The following CSTPP1 variants were observed in gnomAD, a reference collection of about 807,000 sequenced individuals.
CSTPP1 encodes the protein UPF0705 protein C11orf49.
chr11:47,107,655 T>A, the CSTPP1 span, among the ~76,000 whole-genome samples: 1 of 152,198 alleles, frequency 6.6e-6, no homozygotes, highest in African/African-American at 2.4e-5. Context: ...GACATCCACC[T>A]GAAACCTACT....
chr11:47,028,208 C>T, the CSTPP1 span, among the ~76,000 whole-genome samples: 1 of 152,184 alleles, frequency 6.6e-6, no homozygotes, highest in South Asian at 2.1e-4. Context: ...CAGGCGTGAG[C>T]CATCACGCCC....
At chr11:47,080,674 G>T in the CSTPP1 span, among the ~76,000 whole-genome samples, 1 of 151,914 alleles carries the variant, frequency 6.6e-6, no homozygotes, top group African/African-American at 2.4e-5. Flanking sequence ...GCTTCAGCAA[G>T]GTAGATGGAC....
chr11:47,146,273 G>A, the CSTPP1 span, among the ~76,000 whole-genome samples: 90 of 151,460 alleles, frequency 5.9e-4, no homozygotes, highest in African/African-American at 2.0e-3. Flanking sequence ...GTTGAGGCAG[G>A]AGAATCACTT....
the CSTPP1 span, among the ~76,000 whole-genome samples, chr11:47,078,577 A>G: frequency 6.6e-6 from 1 of 152,166 alleles, no homozygotes; most frequent in African/African-American, 2.4e-5. Flanking sequence ...AAACTGAGAT[A>G]ACATGGACTC....
chr11:47,110,889 T>C, the CSTPP1 span, among the ~76,000 whole-genome samples: 1 of 137,652 alleles, frequency 7.3e-6, no homozygotes, highest in Middle Eastern at 3.6e-3. Flanking sequence ...AGAGAACACA[T>C]CTTTTTTTTT....
At chr11:46,938,031 C>T in the CSTPP1 span, among the ~76,000 whole-genome samples, 9 of 151,912 alleles carry the variant, frequency 5.9e-5, no homozygotes, top group African/African-American at 1.9e-4. Context: ...TGCGCCACCA[C>T]GCCAGGTTAA....
At chr11:47,161,870 C>T in the CSTPP1 span, 1 of 1,324,160 alleles carries the variant, frequency 7.6e-7, no homozygotes, top group Non-Finnish European at 9.6e-7. Flanking sequence ...TCACTTAGGC[C>T]CCAAGCTGAC....
the CSTPP1 span, among the ~76,000 whole-genome samples, chr11:47,154,789 C>T: frequency 2.2e-3 from 328 of 152,264 alleles, no homozygotes; most frequent in African/African-American, 7.6e-3. Context: ...ATGGTCCTCA[C>T]GGCAGAATGA....
the CSTPP1 span, among the ~76,000 whole-genome samples, chr11:47,036,408 A>T: frequency 1.8e-5 from 2 of 113,538 alleles, 1 homozygote; most frequent in Non-Finnish European, 4.1e-5. Context: ...AAGGAACATA[A>T]TATTTGGACT....
the CSTPP1 span, among the ~76,000 whole-genome samples, chr11:46,937,630 C>T: frequency 6.6e-6 from 1 of 152,126 alleles, no homozygotes; most frequent in Non-Finnish European, 1.5e-5. Context: ...AGTGCAGTGG[C>T]GCGATCTTGG....
the CSTPP1 span, among the ~76,000 whole-genome samples, chr11:47,065,977 T>TTGTGTGTG: frequency 6.4e-3 from 942 of 146,084 alleles, 12 homozygotes; most frequent in East Asian, 0.037. Flanking sequence ...GGTCTAACAG[T>TTGTGTGTG]TGTGTGTGTG....
the CSTPP1 span, among the ~76,000 whole-genome samples, chr11:47,000,768 TAATC>T: frequency 1.3e-5 from 2 of 152,152 alleles, no homozygotes; most frequent in Non-Finnish European, 2.9e-5. Context: ...ATGAGGGTAA[TAATC>T]AATAAACAAG....
At chr11:46,996,372 C>T in the CSTPP1 span, among the ~76,000 whole-genome samples, 2 of 151,264 alleles carry the variant, frequency 1.3e-5, no homozygotes, top group African/African-American at 2.4e-5. Flanking sequence ...GGTGCAATCT[C>T]GACTCACTGC....
the CSTPP1 span, among the ~76,000 whole-genome samples, chr11:47,146,970 A>G: frequency 6.6e-6 from 1 of 152,220 alleles, no homozygotes; most frequent in African/African-American, 2.4e-5. Context: ...CATTTGCATG[A>G]GTTAATTATA....
chr11:47,094,606 A>G, the CSTPP1 span, among the ~76,000 whole-genome samples: 2 of 152,206 alleles, frequency 1.3e-5, no homozygotes, highest in African/African-American at 2.4e-5. Context: ...TTAAATATGT[A>G]TAGTTTTTTG....
chr11:47,046,660 C>CTTTTTTTTTTTTTTTTTTTTTTTT, the CSTPP1 span, among the ~76,000 whole-genome samples: 4 of 79,734 alleles, frequency 5.0e-5, no homozygotes, highest in African/African-American at 1.0e-4. Context: ...ATCTTCTTTT[C>CTTTTTTTTTTTTTTTTTTTTTTTT]TTTTTTTTTT....
the CSTPP1 span, among the ~76,000 whole-genome samples, chr11:47,093,872 T>C: frequency 1.3e-5 from 2 of 152,216 alleles, no homozygotes; most frequent in African/African-American, 2.4e-5. Context: ...ATTGACTAAC[T>C]AAAACATGTC....
the CSTPP1 span, among the ~76,000 whole-genome samples, chr11:47,046,460 TA>T: frequency 6.6e-6 from 1 of 151,936 alleles, no homozygotes; most frequent in Non-Finnish European, 1.5e-5. Flanking sequence ...CTATTAGGAA[TA>T]AGTCTAACTG....
chr11:47,071,415 G>A, the CSTPP1 span, among the ~76,000 whole-genome samples: 1 of 152,144 alleles, frequency 6.6e-6, no homozygotes, highest in African/African-American at 2.4e-5. Context: ...TACTACTTCA[G>A]TGTTGTGAAA....
Sources: gnomAD v4.1 joint callset for allele counts (sites outside exome capture counted in the v4.1 genomes callset) on GRCh38, gnomAD v4.1.1 for gene constraint, MANE v1.5 for transcripts, NCBI Gene and HGNC (gene_info 2026-07-23, HGNC 2026-07-21) for gene names.